Variants in SORCS1 observed in about 807,000 individuals in gnomAD.
SORCS1 encodes the protein VPS10 domain-containing receptor SorCS1.
In SORCS1, 60 loss-of-function variants were observed where a neutral mutation model predicts 146.1. The ratio of observed to expected loss-of-function variants is 0.41; its 90% CI spans 0.33 to 0.51. SORCS1 has a LOEUF of 0.51. SORCS1 is among the 20% of genes least tolerant of loss of function. The pLI, the probability that SORCS1 is intolerant of heterozygous loss-of-function variation, is 0.21. For synonymous variants in SORCS1, 637 were observed against 584.0 expected, an observed-to-expected ratio of 1.09 and a Z score of -1.31; for missense variants, 1,352 against 1,487.6, an observed-to-expected ratio of 0.91 and a Z score of 1.50.
At chr10:106,920,587 C>T (rs1038781979) in intron 2 of SORCS1, among the ~76,000 whole-genome samples, 5 of 152,146 alleles carry the variant, frequency 3.3e-5, no homozygotes, top group Admixed American at 1.3e-4. Flanking sequence ...GCAGAAAGGA[C>T]GTGTGGTCAT....
At chr10:106,618,364 C>T in intron 20 of SORCS1, 92 bp from the exon 21 acceptor site, 2 of 1,490,914 alleles carry the variant, frequency 1.3e-6, no homozygotes, top group South Asian at 1.3e-5. Context: ...GCTGTCTAAC[C>T]CAGCAGAGGC....
intron 14 of SORCS1, among the ~76,000 whole-genome samples, chr10:106,674,649 C>T (rs1851891939): frequency 2.0e-5 from 3 of 152,054 alleles, no homozygotes; most frequent in South Asian, 4.1e-4. Flanking sequence ...CCTAATATGC[C>T]TCACAATTGG....
chr10:106,742,823 C>A (rs979352792), intron 5 of SORCS1, among the ~76,000 whole-genome samples: 1 of 152,092 alleles, frequency 6.6e-6, no homozygotes, highest in South Asian at 2.1e-4. Flanking sequence ...GATTTTGGAG[C>A]ATTTATGGTT....
intron 1 of SORCS1, among the ~76,000 whole-genome samples, chr10:106,957,252 C>T (rs1955003761): frequency 6.6e-6 from 1 of 150,452 alleles, no homozygotes; most frequent in African/African-American, 2.4e-5. Flanking sequence ...CGGCTCACTG[C>T]AACCTCTGCC....
chr10:107,150,082 A>G (rs1056851200), intron 1 of SORCS1, among the ~76,000 whole-genome samples: 1 of 152,226 alleles, frequency 6.6e-6, no homozygotes, highest in African/African-American at 2.4e-5. Flanking sequence ...TTATGCACTT[A>G]TCACAGTAAA....
At chr10:107,120,395 G>C (rs1266544099) in intron 1 of SORCS1, among the ~76,000 whole-genome samples, 1 of 152,152 alleles carries the variant, frequency 6.6e-6, no homozygotes, top group African/African-American at 2.4e-5. Context: ...CTGTAGGCAA[G>C]TACCTGGAAG....
intron 1 of SORCS1, among the ~76,000 whole-genome samples, chr10:106,999,801 C>T (rs186847846): frequency 3.9e-5 from 6 of 152,244 alleles, no homozygotes; most frequent in Admixed American, 1.3e-4. Flanking sequence ...ATGATGAAAA[C>T]GGGATTTCTG....
intron 3 of SORCS1, among the ~76,000 whole-genome samples, chr10:106,827,003 T>C (rs1948334734): frequency 6.6e-6 from 1 of 152,158 alleles, no homozygotes; most frequent in Admixed American, 6.5e-5. Flanking sequence ...TGATTCATGG[T>C]ATATTGACTT....
At chr10:106,881,516 A>C (rs1950804126) in intron 2 of SORCS1, among the ~76,000 whole-genome samples, 1 of 152,228 alleles carries the variant, frequency 6.6e-6, no homozygotes, top group Non-Finnish European at 1.5e-5. Context: ...TTTAAAGGCC[A>C]GAAAAGGAAA....
chr10:106,867,025 T>C (rs1346354131), intron 2 of SORCS1, among the ~76,000 whole-genome samples: 1 of 152,124 alleles, frequency 6.6e-6, no homozygotes, highest in Non-Finnish European at 1.5e-5. Context: ...TTTTGTATTG[T>C]CCATGAAAAC....
intron 2 of SORCS1, among the ~76,000 whole-genome samples, chr10:106,911,970 G>A (rs12358001): frequency 0.39 from 59,743 of 151,768 alleles, 13,978 homozygotes; most frequent in Non-Finnish European, 0.55. Context: ...AAAATTAGCC[G>A]GGTGTTGTGG....
At chr10:106,589,697 G>GAA (rs1157873689) in intron 24 of SORCS1, among the ~76,000 whole-genome samples, 875 of 55,718 alleles carry the variant, frequency 0.016, 14 homozygotes, top group African/African-American at 0.055. Context: ...CTTTGACGAC[G>GAA]AAAAAAAAAA....
At chr10:106,841,327 T>C (rs1260881632) in intron 2 of SORCS1, among the ~76,000 whole-genome samples, 1 of 151,824 alleles carries the variant, frequency 6.6e-6, no homozygotes, top group African/African-American at 2.4e-5. Flanking sequence ...AAAACTAGCC[T>C]GGTGTGGTGG....
At chr10:106,984,650 C>T (rs1240891831) in intron 1 of SORCS1, among the ~76,000 whole-genome samples, 1 of 151,828 alleles carries the variant, frequency 6.6e-6, no homozygotes, top group East Asian at 2.0e-4. Flanking sequence ...ACCTGGGTCT[C>T]CCAAAGGGCT....
intron 3 of SORCS1, among the ~76,000 whole-genome samples, chr10:106,791,322 A>G (rs12242973): frequency 0.033 from 4,966 of 152,324 alleles, 118 homozygotes; most frequent in East Asian, 0.11. Context: ...CACTAATATT[A>G]TGATTAATGT....
intron 2 of SORCS1, among the ~76,000 whole-genome samples, chr10:106,911,455 A>T (rs947172763): frequency 1.3e-5 from 2 of 149,538 alleles, no homozygotes; most frequent in Non-Finnish European, 3.0e-5. Context: ...TAAATTTCAT[A>T]TTTTTTTTTT....
Position 106,963,456 on chromosome 10 carries a change from G to C in SORCS1, c.559-6876C>G, listed in dbSNP as rs116780077. Among the ~76,000 whole-genome samples the C allele has an allele frequency of 9.9e-3, 1,509 of 152,148 alleles. 34 individuals are homozygous for C. Among genetic ancestry groups the C allele is most frequent in the African/African-American group, 0.035 (1,436 of 41,502 alleles). On this transcript the variant is annotated intron_variant, in intron 1 of 25. Transcript: ENST00000263054. ...TTGTTTTCTTGGCACTCCAATTTTA[G>C]GGAAAAGCAGCAAACTCACAGCACT...
rs543197659 is a variant in SORCS1 at position 107,159,316 on chromosome 10, A to T, written c.558+4653T>A. ...AATGCAGCAGGTATCCAGTATCTGT[A>T]TGAACAAAGTATTAAATTAGTTTTG... is the stretch of plus-strand genomic sequence containing the variant. On this transcript the variant is annotated intron_variant, in intron 1 of 25. Coordinates refer to ENST00000263054, the MANE Select transcript of SORCS1 (RefSeq NM_052918.5). 2.0e-5 allele frequency among the ~76,000 whole-genome samples: 3 copies of T among 152,336 alleles called. No homozygotes were observed. The East Asian group carries it at 5.8e-4, about 29-fold the overall frequency.
At chr10:106,913,605 T>C (rs777169725) in intron 2 of SORCS1, among the ~76,000 whole-genome samples, 1 of 152,232 alleles carries the variant, frequency 6.6e-6, no homozygotes, top group Non-Finnish European at 1.5e-5. Context: ...GAGGAGGTTA[T>C]TATGGCATGA....
Sources: allele counts gnomAD v4.1 joint callset (sites outside exome capture counted in the v4.1 genomes callset), GRCh38; gene constraint gnomAD v4.1.1; transcripts MANE v1.5; gene names NCBI Gene and HGNC (gene_info 2026-07-23, HGNC 2026-07-21).